Variants in ASIC2 observed in about 807,000 individuals in gnomAD.
The protein encoded by ASIC2 is acid sensing ion channel subunit 2, also known as acid-sensing ion channel 2.
ASIC2 carries 25 observed loss-of-function variants against 57.3 expected under a neutral mutation model. The ratio of observed to expected loss-of-function variants is 0.44; its 90% confidence interval spans 0.32 to 0.61. ASIC2 has a LOEUF of 0.61. Among genes scored for constraint, ASIC2 ranks in the 20% least tolerant of loss-of-function variants. The pLI is 0.06. For synonymous variants in ASIC2, 319 were observed against 307.5 expected (o/e 1.04, Z -0.39); for missense variants, 641 against 738.1 (o/e 0.87, Z 1.52).
At chr17:33,035,253 A>T (rs1293011799) in intron 3 of ASIC2, among the ~76,000 whole-genome samples, 1 of 152,112 alleles carries the variant, frequency 6.6e-6, no homozygotes, top group Non-Finnish European at 1.5e-5. Flanking sequence ...TATGATTGTT[A>T]TTGTAAAGTT....
chr17:33,855,696 G>A (rs1005419615), intron 1 of ASIC2, among the ~76,000 whole-genome samples: 4 of 152,066 alleles, frequency 2.6e-5, no homozygotes, highest in Non-Finnish European at 5.9e-5. Flanking sequence ...GCAGGTTGAG[G>A]GTGGTGCTAT....
chr17:33,162,453 T>C (rs956182340), intron 1 of ASIC2, among the ~76,000 whole-genome samples: 6 of 152,072 alleles, frequency 3.9e-5, no homozygotes, highest in Non-Finnish European at 7.4e-5. Flanking sequence ...AAGCAACAAA[T>C]ATGGATGTTG....
chr17:33,396,823 T>C (rs1910094072), intron 1 of ASIC2, among the ~76,000 whole-genome samples: 1 of 152,168 alleles, frequency 6.6e-6, no homozygotes, highest in South Asian at 2.1e-4. Flanking sequence ...CTAGTCCACT[T>C]CTCTGCCTCC....
At chr17:33,552,295 G>A (rs1915775586) in intron 1 of ASIC2, among the ~76,000 whole-genome samples, 1 of 152,190 alleles carries the variant, frequency 6.6e-6, no homozygotes, top group South Asian at 2.1e-4. Context: ...GGCTGAGTGG[G>A]GCTGGGCCAG....
At chr17:34,041,196 G>A (rs1468916617) in intron 1 of ASIC2, 1 of 152,262 alleles carries the variant, frequency 6.6e-6, no homozygotes, top group Non-Finnish European at 1.5e-5. Context: ...CAACACAAGA[G>A]TTGAACTTGG....
At position 33,509,175 on chromosome 17, in the gene ASIC2, T is replaced by C. The variant is rs188807778; in HGVS notation, c.556-397108A>G. ...TTTCTATCAAGAGAGGGGAGGAAGGTAGGACGGAGGGAGGGCGGGACAGGA... is the reference window on the plus strand; with the variant it reads ...TTTCTATCAAGAGAGGGGAGGAAGGCAGGACGGAGGGAGGGCGGGACAGGA... On this transcript the variant is annotated intron_variant, in intron 1 of 9. Coordinates refer to the ASIC2 transcript ENST00000359872. Among the ~76,000 whole-genome samples the C allele has an allele frequency of 5.3e-5, 8 of 152,092 alleles. No individual in the cohort carries two copies. The East Asian group carries it at 1.5e-3, about 29-fold the overall frequency.
chr17:33,977,860 G>A (rs1490914360), intron 1 of ASIC2, among the ~76,000 whole-genome samples: 1 of 152,202 alleles, frequency 6.6e-6, no homozygotes, highest in African/African-American at 2.4e-5. Context: ...GAGCAGACTG[G>A]AGAGGAATTT....
At chr17:33,780,998 G>T (rs1436196990) in intron 1 of ASIC2, among the ~76,000 whole-genome samples, 7 of 152,222 alleles carry the variant, frequency 4.6e-5, no homozygotes, top group African/African-American at 7.2e-5. Context: ...CCGGGCTCAG[G>T]CCATGTGAGG....
chr17:33,074,006 C>A (rs1017896011), intron 3 of ASIC2, among the ~76,000 whole-genome samples: 1 of 152,134 alleles, frequency 6.6e-6, no homozygotes, highest in Non-Finnish European at 1.5e-5. Context: ...TTAGTACCAG[C>A]AGGTGTGTGT....
chr17:34,113,212 G>A (rs1203181410), intron 1 of ASIC2, among the ~76,000 whole-genome samples: 2 of 152,154 alleles, frequency 1.3e-5, no homozygotes, highest in Non-Finnish European at 2.9e-5. Flanking sequence ...GAAGAGAGGG[G>A]CGAAGGAAGC....
intron 1 of ASIC2, among the ~76,000 whole-genome samples, chr17:33,543,311 C>T (rs895609115): frequency 7.5e-6 from 1 of 132,482 alleles, no homozygotes; most frequent in Non-Finnish European, 1.6e-5. Flanking sequence ...ACAAAAAAAA[C>T]AAATCAATCT....
chr17:33,018,487 G>T (rs2091819321), intron 7 of ASIC2, among the ~76,000 whole-genome samples: 1 of 152,234 alleles, frequency 6.6e-6, no homozygotes, highest in Admixed American at 6.5e-5. Flanking sequence ...AGACTCTCCT[G>T]AAATTGAATG....
chr17:34,096,696 A>C (rs556409436), intron 1 of ASIC2, among the ~76,000 whole-genome samples: 13 of 151,908 alleles, frequency 8.6e-5, no homozygotes, highest in African/African-American at 2.4e-4. Flanking sequence ...CTACTAAAAA[A>C]ATACAAAGAA....
chr17:34,100,412 T>C (rs1358600451), intron 1 of ASIC2, among the ~76,000 whole-genome samples: 3 of 152,136 alleles, frequency 2.0e-5, no homozygotes, highest in African/African-American at 4.8e-5. Context: ...ACATCATAAT[T>C]CTCCAAAGCA....
At chr17:33,170,639 C>T (rs1034925702) in intron 1 of ASIC2, among the ~76,000 whole-genome samples, 1 of 152,018 alleles carries the variant, frequency 6.6e-6, no homozygotes, top group African/African-American at 2.4e-5. Flanking sequence ...CCTGTGCTTC[C>T]CAGACTTCAA....
At chr17:33,553,352 C>A (rs746472968) in intron 1 of ASIC2, among the ~76,000 whole-genome samples, 2 of 150,386 alleles carry the variant, frequency 1.3e-5, no homozygotes, top group Non-Finnish European at 2.9e-5. Context: ...TGCCTCAGAG[C>A]TTCCAGAGAC....
At chr17:33,475,472 A>C (rs1165445400) in intron 1 of ASIC2, among the ~76,000 whole-genome samples, 2 of 152,180 alleles carry the variant, frequency 1.3e-5, no homozygotes, top group East Asian at 3.8e-4. Context: ...TACATTATAA[A>C]TATCCTTTTA....
At chr17:33,055,121 T>A (rs1358749570) in intron 3 of ASIC2, among the ~76,000 whole-genome samples, 1 of 152,180 alleles carries the variant, frequency 6.6e-6, no homozygotes, top group Non-Finnish European at 1.5e-5. Context: ...TTGTATCTAA[T>A]GGAGTTACAT....
intron 1 of ASIC2, among the ~76,000 whole-genome samples, chr17:33,588,806 A>T (rs1904730246): frequency 6.6e-6 from 1 of 152,218 alleles, no homozygotes. Context: ...AAGCTAAAAA[A>T]GTGTGGTGGG....
Sources: allele counts gnomAD v4.1 joint callset (sites outside exome capture counted in the v4.1 genomes callset), GRCh38; gene constraint gnomAD v4.1.1; transcripts MANE v1.5; gene names NCBI Gene and HGNC (gene_info 2026-07-23, HGNC 2026-07-21).